CCDC148: variants seen among roughly 807,000 people sequenced by gnomAD.
CCDC148 encodes the protein coiled-coil domain containing 148, also known as coiled-coil domain-containing protein 148.
Under a neutral mutation model 85.7 loss-of-function variants are expected in CCDC148, and 89 were observed. That is an observed-to-expected ratio of 1.04 (90% CI 0.87 to 1.24). The LOEUF is 1.24. CCDC148 is among the 50% of genes most tolerant of loss of function. CCDC148 has a pLI of 0.00. For synonymous variants in CCDC148, 230 were observed against 213.9 expected (o/e 1.08, Z -0.66); for missense variants, 692 against 671.7 (o/e 1.03, Z -0.33).
chr2:158,365,993 A>T (rs1490299437), intron 1 of CCDC148: 3 of 1,472,288 alleles, frequency 2.0e-6, no homozygotes, highest in East Asian at 5.0e-5. Flanking sequence ...AATAAAACAG[A>T]GTTGGAAGTA....
At chr2:158,210,973 A>G (rs1219747343) in intron 11 of CCDC148, among the ~76,000 whole-genome samples, 1 of 150,188 alleles carries the variant, frequency 6.7e-6, no homozygotes, top group Non-Finnish European at 1.5e-5. Context: ...AAAAAAAAAA[A>G]AAAAGAAACA....
chr2:158,286,610 C>A (rs1470614776), intron 9 of CCDC148, among the ~76,000 whole-genome samples: 1 of 152,070 alleles, frequency 6.6e-6, no homozygotes, highest in African/African-American at 2.4e-5. Flanking sequence ...CATTACAAAG[C>A]TATAATATCT....
chr2:158,181,766 A>AGG (rs977775150), intron 11 of CCDC148, among the ~76,000 whole-genome samples: 2 of 152,110 alleles, frequency 1.3e-5, no homozygotes, highest in Non-Finnish European at 2.9e-5. Context: ...TAAGGTGCAG[A>AGG]GGGCCAAGAA....
chr2:158,398,217 AC>A (rs1477563985), intron 1 of CCDC148, among the ~76,000 whole-genome samples: 1 of 152,090 alleles, frequency 6.6e-6, no homozygotes, highest in Non-Finnish European at 1.5e-5. Context: ...AGACAGATCA[AC>A]AAGACAGAAA....
At chr2:158,433,428 T>C (rs1380395919) in intron 1 of CCDC148, among the ~76,000 whole-genome samples, 1 of 151,984 alleles carries the variant, frequency 6.6e-6, no homozygotes, top group Non-Finnish European at 1.5e-5. Context: ...AGCACTTGTA[T>C]CAAAATATGC....
At chr2:158,234,389 C>T (rs1271455965) in intron 10 of CCDC148, among the ~76,000 whole-genome samples, 1 of 151,998 alleles carries the variant, frequency 6.6e-6, no homozygotes, top group Non-Finnish European at 1.5e-5. Flanking sequence ...CTTATCAGTG[C>T]CTTAAACTTG....
At chr2:158,304,212 T>C (rs920593228) in intron 9 of CCDC148, among the ~76,000 whole-genome samples, 1 of 152,040 alleles carries the variant, frequency 6.6e-6, no homozygotes, top group African/African-American at 2.4e-5. Flanking sequence ...CCCAGATGCT[T>C]AAACCTTCAG....
At chr2:158,410,193 A>G (rs1243965601) in intron 1 of CCDC148, among the ~76,000 whole-genome samples, 1 of 152,124 alleles carries the variant, frequency 6.6e-6, no homozygotes, top group Non-Finnish European at 1.5e-5. Flanking sequence ...TTCAGTTACT[A>G]TTTGCATGGA....
At chr2:158,374,912 A>AC (rs58294782) in intron 1 of CCDC148, among the ~76,000 whole-genome samples, 61,367 of 151,714 alleles carry the variant, frequency 0.4, 13,087 homozygotes, top group South Asian at 0.61. Context: ...ATCATCTCTA[A>AC]CTTATTTATA....
chr2:158,423,199 A>C (rs533306448), intron 1 of CCDC148, among the ~76,000 whole-genome samples: 1 of 152,170 alleles, frequency 6.6e-6, no homozygotes, highest in East Asian at 1.9e-4. Context: ...CAAGCTACCA[A>C]TGACTTTCTT....
intron 10 of CCDC148, among the ~76,000 whole-genome samples, chr2:158,238,415 T>C (rs1688206789): frequency 6.6e-6 from 1 of 152,134 alleles, no homozygotes; most frequent in African/African-American, 2.4e-5. Flanking sequence ...GGAAATTCTC[T>C]TCTTGTGAAA....
At position 158,414,581 on chromosome 2, in the gene CCDC148, A is replaced by T. The variant is rs527323674; in HGVS notation, c.25+41834T>A. Among the ~76,000 whole-genome samples, 398 of 151,508 alleles carry T rather than the reference A, an allele frequency of 2.6e-3. 2 individuals are homozygous for T. Among genetic ancestry groups the T allele is most frequent in the African/African-American group, 9.4e-3 (387 of 41,268 alleles). On this transcript the variant is annotated intron_variant, in intron 1 of 13. Coordinates refer to ENST00000283233, the MANE Select transcript of CCDC148 (RefSeq NM_138803.4). ...ATGTACCCTAAAACTTAAAAGTATA[A>T]AAAAAAAAGAATAATGTGTGCTAGG...
intron 2 of CCDC148, among the ~76,000 whole-genome samples, chr2:158,355,311 A>T (rs1476199920): frequency 6.6e-6 from 1 of 151,994 alleles, no homozygotes; most frequent in Non-Finnish European, 1.5e-5. Flanking sequence ...AGACGACATG[A>T]TTGTTTATCT....
At chr2:158,258,297 C>T (rs1001955524) in intron 9 of CCDC148, among the ~76,000 whole-genome samples, 9 of 151,830 alleles carry the variant, frequency 5.9e-5, no homozygotes, top group Admixed American at 1.3e-4. Flanking sequence ...ATAATCCCTC[C>T]CAATGCTAAG....
At chr2:158,238,425 A>C (rs1211405681) in intron 10 of CCDC148, among the ~76,000 whole-genome samples, 1 of 152,144 alleles carries the variant, frequency 6.6e-6, no homozygotes, top group African/African-American at 2.4e-5. Context: ...TTCTTGTGAA[A>C]TATGATGTCA....
intron 7 of CCDC148, 48 bp from the exon 8 acceptor site, chr2:158,313,942 T>C (rs762624323): frequency 6.4e-7 from 1 of 1,574,592 alleles, no homozygotes; most frequent in East Asian, 2.3e-5. Context: ...AATCATGAAA[T>C]TTGAGGGACT....
At chr2:158,203,043 A>T (rs1443370994) in intron 11 of CCDC148, among the ~76,000 whole-genome samples, 1 of 152,174 alleles carries the variant, frequency 6.6e-6, no homozygotes, top group African/African-American at 2.4e-5. Flanking sequence ...GAGCTGCTGT[A>T]AGTAGGGAGG....
Position 158,336,278 on chromosome 2 carries a change from C to G in CCDC148, c.764+2448G>C, listed in dbSNP as rs141936018. ...TCACAAGCCACAGACTACTGATAGC[C>G]ACCACCTCTGTATTTATTCAAAATC... is the stretch of plus-strand genomic sequence containing the variant. On this transcript the variant is annotated intron_variant, in intron 7 of 13. Transcript: ENST00000283233. Among the ~76,000 whole-genome samples, 1,127 of 152,286 alleles carry G rather than the reference C, an allele frequency of 7.4e-3. 21 individuals are homozygous for G. Among genetic ancestry groups the G allele is most frequent in the African/African-American group, 0.026 (1,076 of 41,558 alleles).
At chr2:158,282,242 A>G (rs960146107) in intron 9 of CCDC148, among the ~76,000 whole-genome samples, 3 of 151,858 alleles carry the variant, frequency 2.0e-5, no homozygotes, top group African/African-American at 4.8e-5. Flanking sequence ...CTCTCTCACC[A>G]CTCCTATTGA....
Sources: allele counts gnomAD v4.1 joint callset (sites outside exome capture counted in the v4.1 genomes callset), GRCh38; gene constraint gnomAD v4.1.1; transcripts MANE v1.5; gene names NCBI Gene and HGNC (gene_info 2026-07-23, HGNC 2026-07-21).